CYB5R3: variants seen among roughly 807,000 people sequenced by gnomAD.
CYB5R3 encodes the protein cytochrome b5 reductase 3, also known as NADH-cytochrome b5 reductase 3.
Under a neutral mutation model 36.5 loss-of-function variants are expected in CYB5R3, and 28 were observed. The observed-to-expected ratio is 0.77, with a 90% CI of 0.57 to 1.05. The LOEUF (loss-of-function observed/expected upper bound fraction) is 1.05. CYB5R3 is among the 50% of genes least tolerant of loss of function. The pLI is 0.00. For synonymous variants in CYB5R3, 181 were observed against 159.8 expected (o/e 1.13, Z -1.00); for missense variants, 474 against 408.9 (o/e 1.16, Z -1.37).
intron 5 of CYB5R3, 118 bp downstream of exon 5, chr22:42,628,034 G>A (rs1311309927): frequency 7.1e-7 from 1 of 1,404,184 alleles, no homozygotes; most frequent in East Asian, 2.3e-5. Flanking sequence ...GGGACAGCTG[G>A]CCTGACGAGA....
At chr22:42,637,012 A>G in intron 1 of CYB5R3, 166 bp from the exon 2 acceptor site, 1 of 894,950 alleles carries the variant, frequency 1.1e-6, no homozygotes, top group South Asian at 1.5e-5. Flanking sequence ...GGTGCCCACT[A>G]GGAGAAGCTA....
chr22:42,619,530 C>T lies in CYB5R3; in HGVS notation c.*243G>A. On this transcript the variant is annotated 3_prime_UTR_variant, in exon 9 of 9. Transcript: ENST00000352397. ...TGAGGACAGGGATGGGGCTGGGCGT[C>T]TCTGGTAAGGACCAGTAAGTGCCAG... 1 of 573,778 alleles carries T rather than the reference C, an allele frequency of 1.7e-6. No individual in the cohort carries two copies. The highest frequency in any genetic ancestry group is 3.1e-6 in the Non-Finnish European group (1 of 319,982). 35.5% of individuals were successfully genotyped at this position (573,778 alleles called of 1,614,324 possible).
Position 42,631,812 on chromosome 22 carries a change from A to T in CYB5R3, c.154-362T>A, listed in dbSNP as rs1476754980. 6 of 352,096 alleles carry T rather than the reference A, an allele frequency of 1.7e-5. No individual in the cohort carries two copies. In the South Asian group the frequency reaches 1.8e-4, roughly 11 times the overall value. The allele number at this position is 352,096 out of a possible 1,614,324, so 21.8% of individuals were successfully genotyped here. A position where few individuals can be genotyped will look rare whatever the true frequency, so the allele number is the denominator to read the frequency against. On this transcript the variant is annotated intron_variant, in intron 2 of 8. Coordinates refer to ENST00000352397, the MANE Select transcript of CYB5R3 (RefSeq NM_000398.7). ...CAAGCAGTGGCCTGAAGGGGCAGGA[A>T]GAACTTGAGGGCTGGATGGGCAAAC...
At chr22:42,620,042 G>A in intron 8 of CYB5R3, 97 bp from the exon 9 acceptor site, 3 of 1,189,170 alleles carry the variant, frequency 2.5e-6, no homozygotes, top group Non-Finnish European at 3.6e-6. Flanking sequence ...AAATGCTGAA[G>A]AATGGAGAGG....
At chr22:42,621,183 AGTGTGTGTGTGTGTGTGTGT>A (rs61564405) in intron 8 of CYB5R3, among the ~76,000 whole-genome samples, 21 of 147,826 alleles carry the variant, frequency 1.4e-4, no homozygotes, top group African/African-American at 5.2e-4. Context: ...ATTTCTTTTT[AGTGTGTGTGTGTGTGTGTGT>A]GTGTGTGTGT....
chr22:42,640,896 A>G (rs904894426), intron 1 of CYB5R3, among the ~76,000 whole-genome samples: 3 of 151,792 alleles, frequency 2.0e-5, no homozygotes, highest in African/African-American at 7.3e-5. Context: ...TCTTGCTGTC[A>G]CCCAGGCTGG....
chr22:42,621,466 C>T (rs191813768), intron 8 of CYB5R3, among the ~76,000 whole-genome samples: 23 of 152,306 alleles, frequency 1.5e-4, no homozygotes, highest in African/African-American at 5.1e-4. Context: ...TTGGGGCTCT[C>T]CTCATCCTTC....
intron 1 of CYB5R3, chr22:42,639,104 C>G: frequency 2.4e-6 from 1 of 415,292 alleles, no homozygotes; most frequent in Non-Finnish European, 4.7e-6. Context: ...CCAAGGCAGG[C>G]AGATTACTTG....
At chr22:42,620,004 C>G in intron 8 of CYB5R3, 59 bp from the exon 9 acceptor site, 1 of 1,481,120 alleles carries the variant, frequency 6.8e-7, no homozygotes, top group Non-Finnish European at 9.2e-7. Context: ...AACCTGCTGA[C>G]CGACCAACCC....
At chr22:42,638,728 TAAAAAA>T (rs67349863) in intron 1 of CYB5R3, among the ~76,000 whole-genome samples, 11 of 47,520 alleles carry the variant, frequency 2.3e-4, no homozygotes, top group African/African-American at 1.2e-3. Context: ...CAAGACTCCA[TAAAAAA>T]AAAAAAAAAA....
intron 8 of CYB5R3, among the ~76,000 whole-genome samples, chr22:42,621,861 G>A (rs1282522700): frequency 1.3e-5 from 2 of 152,262 alleles, no homozygotes; most frequent in African/African-American, 4.8e-5. Context: ...ATTAGAAACT[G>A]CAGTCAGAAA....
chr22:42,619,738 C>T lies in CYB5R3; in HGVS notation c.*35G>A, dbSNP rs1334492833. 5 of 1,537,308 alleles carry T rather than the reference C, an allele frequency of 3.3e-6. No homozygotes were observed. The highest frequency in any genetic ancestry group is 2.4e-5 in the East Asian group (1 of 42,118). On this transcript the variant is annotated 3_prime_UTR_variant, in exon 9 of 9. Transcript: ENST00000352397. ...GTGAGCGTGAACAGGGCGTGGGGTGCGCGGGGCGGGTGGCCGTGTGACCGT... is the reference window on the plus strand; with the variant it reads ...GTGAGCGTGAACAGGGCGTGGGGTGTGCGGGGCGGGTGGCCGTGTGACCGT...
chr22:42,639,332 A>T (rs1299851252), intron 1 of CYB5R3, among the ~76,000 whole-genome samples: 2 of 149,058 alleles, frequency 1.3e-5, no homozygotes, highest in Non-Finnish European at 3.0e-5. Context: ...TCAAAAAAAA[A>T]AAAAGTGGGG....
intron 2 of CYB5R3, among the ~76,000 whole-genome samples, chr22:42,635,869 G>C (rs930246757): frequency 1.3e-5 from 2 of 152,196 alleles, no homozygotes; most frequent in Non-Finnish European, 2.9e-5. Context: ...CTTTACTGGG[G>C]GCAAGGCAAA....
intron 4 of CYB5R3, 99 bp downstream of exon 4, chr22:42,630,783 G>T: frequency 9.7e-7 from 1 of 1,034,932 alleles, no homozygotes. Context: ...GGCTGCACAG[G>T]GCAGGAGCGG....
At chr22:42,627,427 G>A (rs530064017) in intron 6 of CYB5R3, 38 bp from the exon 7 acceptor site, 5 of 1,601,862 alleles carry the variant, frequency 3.1e-6, no homozygotes, top group South Asian at 2.2e-5. Flanking sequence ...CGTGCTGAGC[G>A]AGGCCTGTTC....
At chr22:42,625,457 G>A (rs370933383) in intron 7 of CYB5R3, among the ~76,000 whole-genome samples, 1 of 152,082 alleles carries the variant, frequency 6.6e-6, no homozygotes, top group African/African-American at 2.4e-5. Context: ...GCAGTGAGCC[G>A]AGATTCACGC....
chr22:42,629,608 C>G (rs1928502488), intron 4 of CYB5R3, among the ~76,000 whole-genome samples: 1 of 152,224 alleles, frequency 6.6e-6, no homozygotes, highest in Non-Finnish European at 1.5e-5. Flanking sequence ...TCCCACCCTT[C>G]AGATCCAGTG....
chr22:42,626,047 G>A (rs770083005), intron 7 of CYB5R3, among the ~76,000 whole-genome samples: 2 of 152,202 alleles, frequency 1.3e-5, no homozygotes, highest in Non-Finnish European at 2.9e-5. Flanking sequence ...TGTGGCTCAC[G>A]CCTGTAATCC....
Sources: allele counts gnomAD v4.1 joint callset (sites outside exome capture counted in the v4.1 genomes callset), GRCh38; gene constraint gnomAD v4.1.1; transcripts MANE v1.5; gene names NCBI Gene and HGNC (gene_info 2026-07-23, HGNC 2026-07-21).